Variants in GPM6A observed in about 807,000 individuals in gnomAD.
GPM6A encodes the protein glycoprotein M6A.
A neutral mutation model predicts 32.1 loss-of-function variants in GPM6A; 7 were observed. That is an observed-to-expected ratio of 0.22 (90% confidence interval 0.12 to 0.41). The LOEUF is 0.41. GPM6A is among the 10% of genes least tolerant of loss of function. GPM6A has a pLI of 1.00. For missense variants in GPM6A, 235 were observed against 347.2 expected (o/e 0.68, Z 2.57); for synonymous variants, 130 against 123.4 (o/e 1.05, Z -0.35).
chr4:175,725,647 T>C (rs979355911), intron 1 of GPM6A, among the ~76,000 whole-genome samples: 1 of 152,070 alleles, frequency 6.6e-6, no homozygotes, highest in African/African-American at 2.4e-5. Context: ...TTGTTTCCCA[T>C]CACATTTTCA....
intron 1 of GPM6A, among the ~76,000 whole-genome samples, chr4:175,914,747 C>T (rs1738436163): frequency 6.6e-6 from 1 of 151,244 alleles, no homozygotes; most frequent in Admixed American, 6.6e-5. Flanking sequence ...CGAGGGGGGG[C>T]CACTTGGGGA....
rs527824659 is a variant in GPM6A at position 175,633,780 on chromosome 4, C to T, written c.*1125G>A. On this transcript the variant is annotated 3_prime_UTR_variant, in exon 7 of 7. Coordinates refer to ENST00000393658, the MANE Select transcript of GPM6A (RefSeq NM_201591.3). The stretch of plus-strand genomic sequence containing the variant: ...ATAAAAACACAAATATATCACTACA[C>T]TTTCAAACAATACATTCTATAGGGG... 1.3e-5 allele frequency: 2 copies of T among 152,608 alleles called. No individual in the cohort carries two copies. Among genetic ancestry groups the T allele is most frequent in the South Asian group, 2.1e-4 (1 of 4,830 alleles). The allele number at this position is 152,608 out of a possible 1,614,324, so 9.5% of individuals were successfully genotyped here.
chr4:175,871,327 G>A (rs1013769365), intron 1 of GPM6A, among the ~76,000 whole-genome samples: 4 of 151,884 alleles, frequency 2.6e-5, no homozygotes, highest in South Asian at 4.1e-4. Context: ...AAAATTAGCC[G>A]GATGTGGTAG....
chr4:175,949,650 A>G (rs1739736211), intron 1 of GPM6A, among the ~76,000 whole-genome samples: 1 of 152,190 alleles, frequency 6.6e-6, no homozygotes, highest in Non-Finnish European at 1.5e-5. Flanking sequence ...AGCTAACTTT[A>G]GTAAAGATTC....
intron 1 of GPM6A, among the ~76,000 whole-genome samples, chr4:175,755,148 C>A (rs187960965): frequency 4.5e-4 from 69 of 152,036 alleles, no homozygotes; most frequent in African/African-American, 1.6e-3. Context: ...ATCATAACAA[C>A]ATACAGACCC....
chr4:175,788,538 G>A (rs1378954390), intron 1 of GPM6A, among the ~76,000 whole-genome samples: 1 of 152,090 alleles, frequency 6.6e-6, no homozygotes, highest in Non-Finnish European at 1.5e-5. Flanking sequence ...TCATACAGAT[G>A]CAAATACAAC....
At chr4:175,924,501 T>C (rs560010888) in intron 1 of GPM6A, among the ~76,000 whole-genome samples, 1 of 152,086 alleles carries the variant, frequency 6.6e-6, no homozygotes, top group South Asian at 2.1e-4. Context: ...ATATGAAATA[T>C]ATGAGGGAAA....
intron 1 of GPM6A, among the ~76,000 whole-genome samples, chr4:175,794,129 C>T (rs1734119317): frequency 6.6e-6 from 1 of 152,222 alleles, no homozygotes; most frequent in South Asian, 2.1e-4. Flanking sequence ...AACTTCACCA[C>T]TTACTGCTGA....
At chr4:175,983,237 G>A (rs551500229) in intron 1 of GPM6A, among the ~76,000 whole-genome samples, 11 of 152,276 alleles carry the variant, frequency 7.2e-5, no homozygotes, top group Admixed American at 2.6e-4. Flanking sequence ...ATTGCATAAC[G>A]TATCAGACAG....
chr4:175,659,757 T>G (rs1742295857), intron 3 of GPM6A, among the ~76,000 whole-genome samples: 1 of 152,212 alleles, frequency 6.6e-6, no homozygotes, highest in South Asian at 2.1e-4. Flanking sequence ...TTCAACTTTC[T>G]GTCTGTTTTA....
chr4:175,791,056 C>T (rs555011948), intron 1 of GPM6A, among the ~76,000 whole-genome samples: 2 of 152,126 alleles, frequency 1.3e-5, no homozygotes, highest in Admixed American at 1.3e-4. Flanking sequence ...TATTTTCTGG[C>T]CAATCCTTTT....
chr4:175,968,953 C>G (rs181015921), intron 1 of GPM6A, among the ~76,000 whole-genome samples: 17 of 152,256 alleles, frequency 1.1e-4, no homozygotes, highest in Admixed American at 6.5e-4. Context: ...TTAGACTACA[C>G]AAAATTTATG....
At chr4:175,749,156 A>C (rs1732220389) in intron 1 of GPM6A, among the ~76,000 whole-genome samples, 1 of 152,112 alleles carries the variant, frequency 6.6e-6, no homozygotes, top group Non-Finnish European at 1.5e-5. Context: ...ATGGCACCTT[A>C]AAATAATATA....
chr4:175,986,789 A>G (rs1288869146), intron 1 of GPM6A, among the ~76,000 whole-genome samples: 1 of 152,126 alleles, frequency 6.6e-6, no homozygotes, highest in Non-Finnish European at 1.5e-5. Context: ...ACCATCTAAC[A>G]TGTCATGCAA....
intron 6 of GPM6A, among the ~76,000 whole-genome samples, chr4:175,635,776 C>T (rs1740541793): frequency 6.6e-6 from 1 of 152,052 alleles, no homozygotes; most frequent in Non-Finnish European, 1.5e-5. Flanking sequence ...TCTTTTCTTT[C>T]TTCCCTCTTG....
chr4:175,772,624 A>G (rs2111235371), intron 1 of GPM6A, among the ~76,000 whole-genome samples: 1 of 152,248 alleles, frequency 6.6e-6, no homozygotes, highest in Admixed American at 6.5e-5. Context: ...TCTGGAGGAA[A>G]GAGGAAAAAA....
At chr4:175,884,588 T>A (rs180977414) in intron 1 of GPM6A, among the ~76,000 whole-genome samples, 1 of 152,040 alleles carries the variant, frequency 6.6e-6, no homozygotes, top group South Asian at 2.1e-4. Context: ...TTGGAGTGCA[T>A]TGGTGCAATC....
At chr4:175,850,592 T>G (rs1375196122) in intron 1 of GPM6A, among the ~76,000 whole-genome samples, 1 of 152,098 alleles carries the variant, frequency 6.6e-6, no homozygotes, top group Non-Finnish European at 1.5e-5. Flanking sequence ...GGGTGACACA[T>G]GCCTGACAGC....
intron 2 of GPM6A, among the ~76,000 whole-genome samples, chr4:175,685,697 A>G (rs1036399416): frequency 6.6e-6 from 1 of 152,202 alleles, no homozygotes; most frequent in African/African-American, 2.4e-5. Context: ...AGAGATTCAG[A>G]GAAGAGGAGG....
Sources: allele counts gnomAD v4.1 joint callset (sites outside exome capture counted in the v4.1 genomes callset), GRCh38; gene constraint gnomAD v4.1.1; transcripts MANE v1.5; gene names NCBI Gene and HGNC (gene_info 2026-07-23, HGNC 2026-07-21).